ZBED4: variants seen among roughly 807,000 people sequenced by gnomAD.
The protein encoded by ZBED4 is zinc finger BED domain-containing protein 4.
ZBED4 carries 4 observed loss-of-function variants against 15.5 expected under a neutral mutation model. That is an observed-to-expected ratio of 0.26 (90% CI 0.13 to 0.59). The LOEUF (loss-of-function observed/expected upper bound fraction) is 0.59. ZBED4 is among the 20% of genes least tolerant of loss of function. ZBED4 has a pLI of 0.90. For missense variants in ZBED4, 1,323 were observed against 1,461.8 expected (o/e 0.91, Z 1.55); for synonymous variants, 692 against 608.5 (o/e 1.14, Z -2.02).
Position 49,885,678 on chromosome 22 carries a change from A to T in ZBED4, c.2016A>T (p.Pro672=). ...AAATGATTGCACTTGACCTCCAGCC[A>T]TATTCTTTTGTAGACAACGTTGGCT... ...IAEMIALDLQ[P]YSFVDNVGFN... is the part of the protein sequence containing the mutation. Residue 672 remains proline, a synonymous_variant, in exon 2 of 2, where the codon CCA becomes CCT. Coordinates refer to ENST00000216268, the MANE Select transcript of ZBED4 (RefSeq NM_014838.3). 6.2e-7 allele frequency: 1 copy of T among 1,612,440 alleles called. No homozygotes were observed. The highest frequency in any genetic ancestry group is 1.1e-5 in the South Asian group (1 of 91,064).
intron 1 of ZBED4, among the ~76,000 whole-genome samples, chr22:49,872,023 C>T (rs534400462): frequency 5.3e-5 from 8 of 152,064 alleles, no homozygotes; most frequent in Admixed American, 3.9e-4. Context: ...GGATTACAGG[C>T]GTGAGCCACT....
At chr22:49,879,546 T>TATGTCCG (rs1233824610) in intron 1 of ZBED4, among the ~76,000 whole-genome samples, 29 of 151,022 alleles carry the variant, frequency 1.9e-4, no homozygotes, top group African/African-American at 6.5e-4. Flanking sequence ...TTATTTGTCT[T>TATGTCCG]ATGTCCGGGC....
chr22:49,884,913 C>T lies in ZBED4; in HGVS notation c.1251C>T (p.Ser417=), dbSNP rs202182491. ...AAGACGTGGCGGCCTTCTCATCTTCCGATGACATAGGGGAGGCCTCGGCGT... is the reference window on the plus strand; with the variant it reads ...AAGACGTGGCGGCCTTCTCATCTTCTGATGACATAGGGGAGGCCTCGGCGT... ...LMEDVAAFSS[S]DDIGEASASS... The change falls in exon 2 of 2, where the codon TCC becomes TCT. Residue 417 remains serine, a synonymous_variant. Coordinates refer to ENST00000216268, the MANE Select transcript of ZBED4 (RefSeq NM_014838.3). The T allele has an allele frequency of 1.9e-5, 31 of 1,602,466 alleles. No individual in the cohort carries two copies. The African/African-American group carries it at 2.0e-4, about 10-fold the overall frequency.
intron 1 of ZBED4, among the ~76,000 whole-genome samples, chr22:49,854,467 C>G (rs1023724272): frequency 2.6e-5 from 4 of 152,194 alleles, no homozygotes; most frequent in Non-Finnish European, 4.4e-5. Context: ...CGGGTCCTTG[C>G]GACGCGCCCC....
intron 1 of ZBED4, among the ~76,000 whole-genome samples, chr22:49,867,243 A>G (rs551565472): frequency 8.5e-5 from 13 of 152,158 alleles, no homozygotes; most frequent in Non-Finnish European, 1.8e-4. Flanking sequence ...ATTTAACTCC[A>G]TTGTGTTTAG....
In ZBED4 at chr22:49,884,823, C is replaced by A; in HGVS notation, c.1161C>A (p.Ser387=). 6.2e-7 allele frequency: 1 copy of A among 1,610,826 alleles called. No homozygotes were observed. Among genetic ancestry groups the A allele is most frequent in the Non-Finnish European group, 8.5e-7 (1 of 1,177,550 alleles). The change falls in exon 2 of 2, where the codon TCC becomes TCA. Residue 387 remains serine (S), a synonymous_variant. Transcript: ENST00000216268. Reference sequence around the variant, plus strand: ...CGGTCAGAGAGTCCCCTTCGGCCTCCTCCTCCCCTGACAGGCTGACTGAGG... The same window carrying A: ...CGGTCAGAGAGTCCCCTTCGGCCTCATCCTCCCCTGACAGGCTGACTGAGG... ...VKPVRESPSA[S]SSPDRLTEDL...
intron 1 of ZBED4, among the ~76,000 whole-genome samples, chr22:49,874,018 C>G (rs961549362): frequency 6.6e-6 from 1 of 152,256 alleles, no homozygotes; most frequent in African/African-American, 2.4e-5. Flanking sequence ...TGTGACCTCT[C>G]TGAACTCTCT....
intron 1 of ZBED4, among the ~76,000 whole-genome samples, chr22:49,867,071 A>G (rs1350671603): frequency 6.6e-6 from 1 of 152,164 alleles, no homozygotes; most frequent in Admixed American, 6.6e-5. Context: ...CCACCACTTC[A>G]GCTGCATCTC....
At chr22:49,860,348 A>C (rs1480316700) in intron 1 of ZBED4, among the ~76,000 whole-genome samples, 1 of 152,170 alleles carries the variant, frequency 6.6e-6, no homozygotes, top group South Asian at 2.1e-4. Context: ...GTTTTACTTA[A>C]TTTCTTTGAT....
chr22:49,884,701 G>A lies in ZBED4; in HGVS notation c.1039G>A (p.Gly347Ser), dbSNP rs1184193963. Reference protein sequence around the residue: ...AIVLQENGGTGIPPLYSTPPT... With the variant: ...AIVLQENGGTSIPPLYSTPPT... ...CGTGTTGCAGGAGAACGGGGGCACG[G>A]GCATCCCGCCACTGTACTCCACCCC... is the stretch of plus-strand genomic sequence containing the variant. The change falls in exon 2 of 2, where the codon GGC becomes AGC. Residue 347 changes from glycine to serine, a missense_variant. Physicochemically the swap from Gly to Ser is moderately conservative, Grantham distance 56 (BLOSUM62 0). Coordinates refer to ENST00000216268, the MANE Select transcript of ZBED4 (RefSeq NM_014838.3). 6.3e-7 allele frequency: 1 copy of A among 1,598,530 alleles called. No homozygotes were observed. The highest frequency in any genetic ancestry group is 1.7e-5 in the Admixed American group (1 of 59,174).
At position 49,886,294 on chromosome 22, in the gene ZBED4, G is replaced by A. The variant is rs367912247; in HGVS notation, c.2632G>A (p.Ala878Thr). The change falls in exon 2 of 2, where the codon GCG (alanine) becomes ACG (threonine). Residue 878 changes from alanine to threonine, a missense_variant. By Grantham distance (58) the Ala-to-Thr change is moderately conservative. Coordinates refer to ENST00000216268, the MANE Select transcript of ZBED4 (RefSeq NM_014838.3). The surrounding 1 kb of genome is among the most constrained non-coding windows in gnomAD (Gnocchi z 7.7). ...ACTGGCCGAGCTGCAGAGGGAGTACGCGCTGCCTCAGCATCACCTCATCCA... is the reference window on the plus strand; with the variant it reads ...ACTGGCCGAGCTGCAGAGGGAGTACACGCTGCCTCAGCATCACCTCATCCA... Reference protein sequence around the residue: ...EKLAELQREYALPQHHLIQDV... With the variant: ...EKLAELQREYTLPQHHLIQDV... The A allele has an allele frequency of 5.3e-6, 8 of 1,499,594 alleles. No individual in the cohort carries two copies. The highest frequency in any genetic ancestry group is 1.2e-5 in the South Asian group (1 of 83,740). The allele number at this position is 1,499,594 out of a possible 1,614,324, so 92.9% of individuals were successfully genotyped here. A position where few individuals can be genotyped will look rare whatever the true frequency, so the allele number is the denominator to read the frequency against.
chr22:49,867,560 G>A (rs549047784), intron 1 of ZBED4, among the ~76,000 whole-genome samples: 2 of 152,298 alleles, frequency 1.3e-5, no homozygotes, highest in South Asian at 2.1e-4. Flanking sequence ...GCCCCAGATC[G>A]GACCTTGGAC....
intron 1 of ZBED4, among the ~76,000 whole-genome samples, chr22:49,866,975 C>G (rs1490155355): frequency 6.6e-6 from 1 of 152,114 alleles, no homozygotes; most frequent in African/African-American, 2.4e-5. Flanking sequence ...GCTGTTTTTT[C>G]TAGTGTTTTC....
Position 49,886,623 on chromosome 22 carries a change from G to A in ZBED4, c.2961G>A (p.Glu987=), listed in dbSNP as rs1436263275. The A allele has an allele frequency of 6.3e-7, 1 of 1,581,572 alleles. No homozygotes were observed. The highest frequency in any genetic ancestry group is 2.2e-5 in the East Asian group (1 of 44,664). The part of the protein sequence containing the change: ...GIDTMLRSLK[E]AMVSRLSATL... The stretch of plus-strand genomic sequence containing the variant: ...ACACCATGCTGCGCTCTCTGAAGGA[G>A]GCCATGGTGAGCCGCCTGTCTGCCA... Residue 987 remains glutamate (E), a synonymous_variant, in exon 2 of 2, where the codon GAG becomes GAA. Transcript: ENST00000216268. The surrounding 1 kb of genome is among the most constrained non-coding windows in gnomAD (Gnocchi z 7.7).
chr22:49,864,950 C>CCCCGG (rs199801448), intron 1 of ZBED4, among the ~76,000 whole-genome samples: 1 of 74,736 alleles, frequency 1.3e-5, no homozygotes, highest in African/African-American at 1.7e-4. Context: ...CCCCCCCCCC[C>CCCCGG]CCGTGAAGTC....
chr22:49,873,937 G>A (rs1281605915), intron 1 of ZBED4, among the ~76,000 whole-genome samples: 1 of 152,260 alleles, frequency 6.6e-6, no homozygotes, highest in Non-Finnish European at 1.5e-5. Flanking sequence ...CCACCAGGGA[G>A]GAGAGATGCC....
At chr22:49,865,640 A>G (rs980072766) in intron 1 of ZBED4, among the ~76,000 whole-genome samples, 1 of 152,072 alleles carries the variant, frequency 6.6e-6, no homozygotes, top group Non-Finnish European at 1.5e-5. Flanking sequence ...ACACCACTGC[A>G]CTCCAGTCTG....
intron 1 of ZBED4, among the ~76,000 whole-genome samples, chr22:49,880,588 C>T (rs914704839): frequency 4.6e-5 from 7 of 152,190 alleles, no homozygotes; most frequent in Non-Finnish European, 5.9e-5. Context: ...GTTTCGTGCA[C>T]GGCGTCTGGC....
Position 49,886,223 on chromosome 22 carries a change from G to A in ZBED4, c.2561G>A (p.Arg854Gln), listed in dbSNP as rs1488484952. ...RMVQNLLSLA[R>Q]KICERVHRSP... ...GTGCAGAACCTGCTGAGCCTCGCCC[G>A]GAAGATCTGCGAGCGGGTGCACCGG... The change falls in exon 2 of 2, where the codon CGG becomes CAG. Residue 854 changes from arginine (R) to glutamine (Q), a missense_variant. Physicochemically the swap from Arg to Gln is conservative, Grantham distance 43 (BLOSUM62 1). Coordinates refer to ENST00000216268, the MANE Select transcript of ZBED4 (RefSeq NM_014838.3). This position sits in a 1 kb window ranked among gnomAD's most constrained non-coding sequence, Gnocchi z 7.7. The A allele has an allele frequency of 5.7e-6, 5 of 877,090 alleles. No homozygotes were observed. The highest frequency in any genetic ancestry group is 3.0e-5 in the South Asian group (2 of 66,472). The allele number at this position is 877,090 out of a possible 1,614,324, so 54.3% of individuals were successfully genotyped here.
Sources: gnomAD v4.1 joint callset for allele counts (sites outside exome capture counted in the v4.1 genomes callset) on GRCh38, gnomAD v4.1.1 for gene constraint, Gnocchi (gnomAD v3.1) non-coding constraint, MANE v1.5 for transcripts, NCBI Gene and HGNC (gene_info 2026-07-23, HGNC 2026-07-21) for gene names.